Variants in PLEKHM2 observed in about 807,000 individuals in gnomAD.
PLEKHM2 encodes the protein pleckstrin homology and RUN domain containing M2.
PLEKHM2 carries 77 observed loss-of-function variants against 116.3 expected under a neutral mutation model. The ratio of observed to expected loss-of-function variants is 0.66; its 90% CI spans 0.55 to 0.80. PLEKHM2 has a LOEUF of 0.80. Ranked by LOEUF, PLEKHM2 falls within the 30% of genes least tolerant of loss-of-function variation. PLEKHM2 has a pLI of 0.00. For missense variants in PLEKHM2, 1,183 were observed against 1,354.9 expected (o/e 0.87, Z 1.99); for synonymous variants, 562 against 571.0 (o/e 0.98, Z 0.22).
Position 15,727,464 on chromosome 1 carries a change from C to G in PLEKHM2, c.1392C>G (p.Phe464Leu). 1 of 1,603,846 alleles carries G rather than the reference C, an allele frequency of 6.2e-7. No individual in the cohort carries two copies. Among genetic ancestry groups the G allele is most frequent in the Non-Finnish European group, 8.5e-7 (1 of 1,175,894 alleles). ...FSEGLSAPMD[F>L]YRFTVESPST... ...AGGGGCTTTCAGCCCCAATGGACTT[C>G]TACCGCTTTACCGTCGAGAGTCCAA... Residue 464 changes from phenylalanine to leucine, a missense_variant, in exon 9 of 20, where the codon TTC becomes TTG. Transcript: ENST00000375799. This position sits in a 1 kb window ranked among gnomAD's most constrained non-coding sequence, Gnocchi z 7.5.
chr1:15,704,707 G>A (rs1006885463), intron 1 of PLEKHM2, among the ~76,000 whole-genome samples: 13 of 152,180 alleles, frequency 8.5e-5, no homozygotes, highest in African/African-American at 2.4e-4. Context: ...TGCTGCCCCC[G>A]CCCCTGCGCC....
At chr1:15,714,815 TG>T (rs1157529136) in intron 1 of PLEKHM2, among the ~76,000 whole-genome samples, 1 of 152,196 alleles carries the variant, frequency 6.6e-6, no homozygotes, top group Non-Finnish European at 1.5e-5. Flanking sequence ...TTCTGGCCAT[TG>T]GAAGGGCAGT....
chr1:15,725,671 A>T, intron 8 of PLEKHM2, 126 bp downstream of exon 8: 1 of 660,260 alleles, frequency 1.5e-6, no homozygotes, highest in Non-Finnish European at 2.6e-6. Context: ...CTTCCTGGAA[A>T]CCCTTCCCAC....
intron 1 of PLEKHM2, among the ~76,000 whole-genome samples, chr1:15,715,572 C>T (rs1044505160): frequency 2.0e-5 from 3 of 150,916 alleles, no homozygotes; most frequent in Non-Finnish European, 3.0e-5. Context: ...ACCCAGGAGG[C>T]GGAGGCTGCA....
At chr1:15,706,185 G>A (rs1641221815) in intron 1 of PLEKHM2, among the ~76,000 whole-genome samples, 1 of 152,102 alleles carries the variant, frequency 6.6e-6, no homozygotes, top group African/African-American at 2.4e-5. Context: ...GTAATGAAAC[G>A]CAAAGCCCCT....
chr1:15,689,736 C>G (rs1205396397), intron 1 of PLEKHM2, among the ~76,000 whole-genome samples: 1 of 152,170 alleles, frequency 6.6e-6, no homozygotes, highest in East Asian at 1.9e-4. Flanking sequence ...CTTGTGCAGT[C>G]TTCAGTGAGT....
In PLEKHM2 at chr1:15,728,367, GC is replaced by G; in HGVS notation, c.1921+15del. On this transcript the variant is annotated intron_variant, in intron 11 of 19. Coordinates refer to ENST00000375799, the MANE Select transcript of PLEKHM2 (RefSeq NM_015164.4). The surrounding 1 kb of genome is among the most constrained non-coding windows in gnomAD (Gnocchi z 5.9). ...TACCTGCTCCGGAAAGGTGCCCGCC[GC>G]CCCCGGGCAGACAGCGGGTTGTAGA... 6.2e-7 allele frequency: 1 copy of G among 1,608,964 alleles called. No individual in the cohort carries two copies. Among genetic ancestry groups the G allele is most frequent in the South Asian group, 1.1e-5 (1 of 90,756 alleles).
chr1:15,681,667 A>T, upstream of PLEKHM2: 2 of 449,588 alleles, frequency 4.4e-6, 1 homozygote, highest in South Asian at 3.1e-5. Flanking sequence ...AGTGGGAAGG[A>T]AGTGCGCAAT....
intron 14 of PLEKHM2, 49 bp from the exon 15 acceptor site, chr1:15,730,483 C>T: frequency 7.0e-7 from 1 of 1,434,152 alleles, no homozygotes. Flanking sequence ...AGCCACCTGC[C>T]TGGCCCAGGC....
rs1301111146 is a variant in PLEKHM2 at position 15,721,818 on chromosome 1, C to G, written c.712+430C>G. ...AGAGAAAGAGCTTGATTCTTTCAGT[C>G]TGTTCCTAATGGCTTCCTCTTGGGT... is the stretch of plus-strand genomic sequence containing the variant. On this transcript the variant is annotated intron_variant, in intron 7 of 19. Coordinates refer to ENST00000375799, the MANE Select transcript of PLEKHM2 (RefSeq NM_015164.4). The surrounding 1 kb of genome is among the most constrained non-coding windows in gnomAD (Gnocchi z 5.1). 6.6e-6 allele frequency among the ~76,000 whole-genome samples: 1 copy of G among 152,236 alleles called. No individual in the cohort carries two copies. The highest frequency in any genetic ancestry group is 1.5e-5 in the Non-Finnish European group (1 of 68,056).
intron 1 of PLEKHM2, among the ~76,000 whole-genome samples, chr1:15,692,526 T>C (rs1420679704): frequency 6.6e-6 from 1 of 152,164 alleles, no homozygotes; most frequent in African/African-American, 2.4e-5. Context: ...CATGAGTAAC[T>C]CCACCCAGGC....
Position 15,684,617 on chromosome 1 carries a change from A to C in PLEKHM2, c.59A>C (p.Lys20Thr). 1 of 1,294,234 alleles carries C rather than the reference A, an allele frequency of 7.7e-7. No individual in the cohort carries two copies. Among genetic ancestry groups the C allele is most frequent in the Non-Finnish European group, 9.9e-7 (1 of 1,009,134 alleles). The allele number at this position is 1,294,234 out of a possible 1,614,324, so 80.2% of individuals were successfully genotyped here. The change falls in exon 1 of 20, where the codon AAG becomes ACG. Residue 20 changes from lysine (K) to threonine (T), a missense_variant and splice_region_variant. Lys to Thr is a moderately conservative substitution (Grantham distance 78). Around this residue, in one of 3 missense-constraint regions of PLEKHM2, gnomAD observed 217 missense variants for 277.6 expected, o/e 0.78. Coordinates refer to ENST00000375799, the MANE Select transcript of PLEKHM2 (RefSeq NM_015164.4). ...ILENISLSVKKLQSYFAACED... is the reference protein window; with the variant it reads ...ILENISLSVKTLQSYFAACED... ...GAGAACATCTCGCTGTCGGTGAAGA[A>C]GGTGAGCGCGGCCTCCCTCCCGGCC...
chr1:15,708,009 C>T (rs1310241643), intron 1 of PLEKHM2, among the ~76,000 whole-genome samples: 2 of 152,046 alleles, frequency 1.3e-5, no homozygotes, highest in African/African-American at 2.4e-5. Flanking sequence ...CTCAGCCTCC[C>T]GAGTAGCTGA....
At position 15,716,193 on chromosome 1, in the gene PLEKHM2, C is replaced by T. The variant is rs547730163; in HGVS notation, c.61-44C>T. On this transcript the variant is annotated intron_variant, in intron 1 of 19. Coordinates refer to ENST00000375799, the MANE Select transcript of PLEKHM2 (RefSeq NM_015164.4). Reference sequence around the variant, plus strand: ...TGATTCCAGAACTTTTGTAGCCTTCCTCTTAATCCATTTCTGATTTGGAGG... The same window carrying T: ...TGATTCCAGAACTTTTGTAGCCTTCTTCTTAATCCATTTCTGATTTGGAGG... 40 of 1,212,138 alleles carry T rather than the reference C, an allele frequency of 3.3e-5. No homozygotes were observed. In the South Asian group the frequency reaches 4.0e-4, roughly 12 times the overall value. The allele number at this position is 1,212,138 out of a possible 1,614,324, so 75.1% of individuals were successfully genotyped here.
intron 8 of PLEKHM2, among the ~76,000 whole-genome samples, chr1:15,726,376 C>CTGTG (rs2068063923): frequency 1.3e-5 from 2 of 152,334 alleles, no homozygotes; most frequent in African/African-American, 4.8e-5. Flanking sequence ...AGGAGAAGCC[C>CTGTG]TGTGTGCGTG....
intron 1 of PLEKHM2, among the ~76,000 whole-genome samples, chr1:15,704,045 ATC>A (rs556154244): frequency 1.3e-5 from 2 of 151,636 alleles, no homozygotes; most frequent in East Asian, 3.9e-4. Context: ...TTAAATCTGA[ATC>A]TCTCTCTTCA....
chr1:15,725,442 G>A lies in PLEKHM2; in HGVS notation c.838G>A (p.Val280Met). 1.9e-6 allele frequency: 3 copies of A among 1,567,866 alleles called. No homozygotes were observed. Among genetic ancestry groups the A allele is most frequent in the African/African-American group, 1.4e-5 (1 of 73,568 alleles). ...NPFNEEPAET[V>M]SSSDTTPVHT... ...CTTCAACGAGGAGCCGGCAGAGACT[G>A]TGTCCTCCTCTGACACCACCCCCGT... The change falls in exon 8 of 20, where the codon GTG becomes ATG. Residue 280 changes from valine to methionine, a missense_variant. Transcript: ENST00000375799.
At position 15,722,142 on chromosome 1, in the gene PLEKHM2, GTTATT is replaced by G. The variant is rs964935962; in HGVS notation, c.712+763_712+767del. 3.9e-4 allele frequency among the ~76,000 whole-genome samples: 60 copies of G among 152,258 alleles called. 1 individual carries two copies. The highest frequency in any genetic ancestry group is 2.2e-3 in the Admixed American group (34 of 15,294). On this transcript the variant is annotated intron_variant, in intron 7 of 19. Coordinates refer to ENST00000375799, the MANE Select transcript of PLEKHM2 (RefSeq NM_015164.4). ...GCAGATCCCTGTTATTTTACTTTATGTTATTTTATTTTACTTTTTGAGACGGAGTC... is the reference window on the plus strand; with the variant it reads ...GCAGATCCCTGTTATTTTACTTTATGTTATTTTACTTTTTGAGACGGAGTC...
chr1:15,714,093 C>T (rs185479940), intron 1 of PLEKHM2, among the ~76,000 whole-genome samples: 108 of 152,058 alleles, frequency 7.1e-4, no homozygotes, highest in Non-Finnish European at 1.0e-3. Context: ...AGGTGCCTGT[C>T]ACCGCACCCA....
Sources: allele counts gnomAD v4.1 joint callset (sites outside exome capture counted in the v4.1 genomes callset), GRCh38; gene constraint gnomAD v4.1.1; regional missense constraint gnomAD v4.1.1; non-coding constraint Gnocchi (gnomAD v3.1); transcripts MANE v1.5; gene names NCBI Gene and HGNC (gene_info 2026-07-23, HGNC 2026-07-21).